Variants in TENM3 observed in about 807,000 individuals in gnomAD.
TENM3 encodes the protein teneurin-3.
A neutral mutation model predicts 255.1 loss-of-function variants in TENM3; 63 were observed. That is an observed-to-expected ratio of 0.25 (90% CI 0.20 to 0.30). The LOEUF is 0.30. Ranked by LOEUF, TENM3 falls within the 10% of genes least tolerant of loss-of-function variation. The pLI is 1.00. For synonymous variants in TENM3, 1,306 were observed against 1,322.3 expected, an observed-to-expected ratio of 0.99 and a Z score of 0.27; for missense variants, 2,929 against 3,461.1, an observed-to-expected ratio of 0.85 and a Z score of 3.86.
At position 182,309,866 on chromosome 4, in the gene TENM3, A is replaced by G. The variant is rs142734196; in HGVS notation, c.-75-14080A>G. Among the ~76,000 whole-genome samples, 599 of 152,340 alleles carry G rather than the reference A, an allele frequency of 3.9e-3. 5 individuals are homozygous for G. Among genetic ancestry groups the G allele is most frequent in the African/African-American group, 0.014 (565 of 41,574 alleles). ...CGGGCAATGTACTTGATGTCATTATAGTAGCTGCCCTTTATCAAGTACTCA... is the reference window on the plus strand; with the variant it reads ...CGGGCAATGTACTTGATGTCATTATGGTAGCTGCCCTTTATCAAGTACTCA... On this transcript the variant is annotated intron_variant, in intron 1 of 27. Coordinates refer to ENST00000511685, the MANE Select transcript of TENM3 (RefSeq NM_001080477.4).
At chr4:181,983,307 G>C in the TENM3 span, among the ~76,000 whole-genome samples, 1 of 152,114 alleles carries the variant, frequency 6.6e-6, no homozygotes, top group East Asian at 1.9e-4. Context: ...TGTGACCTAA[G>C]GGAAGGGATA....
intron 3 of TENM3, among the ~76,000 whole-genome samples, chr4:182,591,236 C>A (rs6851390): frequency 1.1e-4 from 17 of 151,766 alleles, no homozygotes; most frequent in African/African-American, 3.1e-4. Flanking sequence ...ACAGTAGAAT[C>A]TAAAAAAAGA....
chr4:181,628,144 A>C, the TENM3 span, among the ~76,000 whole-genome samples: 50 of 152,270 alleles, frequency 3.3e-4, no homozygotes, highest in African/African-American at 1.1e-3. Flanking sequence ...TCTTTTGAGA[A>C]GTGTCTGTTC....
At chr4:181,674,196 C>T in the TENM3 span, among the ~76,000 whole-genome samples, 1 of 152,084 alleles carries the variant, frequency 6.6e-6, no homozygotes, top group African/African-American at 2.4e-5. Context: ...CAGGGTTTCA[C>T]CATGTTGCCC....
intron 1 of TENM3, among the ~76,000 whole-genome samples, chr4:182,220,246 G>T (rs200665648): frequency 6.6e-6 from 1 of 151,852 alleles, no homozygotes; most frequent in African/African-American, 2.4e-5. Flanking sequence ...GCATGGTGGC[G>T]GGAGCCTGTA....
chr4:182,448,138 G>C (rs1210727017), intron 3 of TENM3, among the ~76,000 whole-genome samples: 1 of 152,154 alleles, frequency 6.6e-6, no homozygotes, highest in Non-Finnish European at 1.5e-5. Flanking sequence ...TTCTCTCCCC[G>C]GGTCGCGACA....
At chr4:182,299,027 A>G (rs1761685724) in intron 1 of TENM3, among the ~76,000 whole-genome samples, 1 of 117,376 alleles carries the variant, frequency 8.5e-6, no homozygotes, top group East Asian at 2.5e-4. Flanking sequence ...GAGGTAATGG[A>G]CTGGCCACTG....
chr4:181,839,370 T>C, the TENM3 span, among the ~76,000 whole-genome samples: 5 of 98,540 alleles, frequency 5.1e-5, no homozygotes, highest in African/African-American at 2.1e-4. Flanking sequence ...TATATATATA[T>C]ATATATATAT....
At chr4:182,453,391 T>C (rs1773624312) in intron 3 of TENM3, among the ~76,000 whole-genome samples, 1 of 152,126 alleles carries the variant, frequency 6.6e-6, no homozygotes, top group Non-Finnish European at 1.5e-5. Flanking sequence ...TAAATAATAG[T>C]TAAATTTGGG....
At chr4:182,405,768 A>T (rs529286823) in intron 3 of TENM3, among the ~76,000 whole-genome samples, 1 of 152,280 alleles carries the variant, frequency 6.6e-6, no homozygotes, top group South Asian at 2.1e-4. Context: ...ACTGATGAGT[A>T]TGTTAGGATT....
chr4:181,714,267 A>G, the TENM3 span, among the ~76,000 whole-genome samples: 1 of 151,864 alleles, frequency 6.6e-6, no homozygotes, highest in South Asian at 2.1e-4. Context: ...AGGACCTCAT[A>G]TGTACAAAGA....
the TENM3 span, among the ~76,000 whole-genome samples, chr4:182,014,188 GTA>G: frequency 1.2e-4 from 17 of 146,910 alleles, no homozygotes; most frequent in South Asian, 1.1e-3. Context: ...ATATGTGTGT[GTA>G]TATATATATA....
chr4:181,751,415 G>GAAAAAA, the TENM3 span, among the ~76,000 whole-genome samples: 6 of 114,716 alleles, frequency 5.2e-5, no homozygotes, highest in Non-Finnish European at 7.4e-5. Flanking sequence ...CCTTCCAAAG[G>GAAAAAA]AAAAAAAAAA....
intron 1 of TENM3, among the ~76,000 whole-genome samples, chr4:182,163,515 C>T (rs1751499491): frequency 6.6e-6 from 1 of 152,194 alleles, no homozygotes; most frequent in Admixed American, 6.5e-5. Context: ...TTGATTTGCT[C>T]AGTAGAATTA....
chr4:181,491,370 G>C, the TENM3 span, among the ~76,000 whole-genome samples: 1 of 151,842 alleles, frequency 6.6e-6, no homozygotes, highest in Non-Finnish European at 1.5e-5. Context: ...TTTTGAGAAA[G>C]TAAATGTGTA....
chr4:182,316,150 T>C (rs937452156), intron 1 of TENM3, among the ~76,000 whole-genome samples: 3 of 152,220 alleles, frequency 2.0e-5, no homozygotes, highest in African/African-American at 7.2e-5. Context: ...TTTATCTTGT[T>C]GAATGATGGA....
chr4:182,378,684 GGTTGCA>G (rs1447588996), intron 3 of TENM3, among the ~76,000 whole-genome samples: 1 of 152,164 alleles, frequency 6.6e-6, no homozygotes, highest in African/African-American at 2.4e-5. Flanking sequence ...CATGAAATAA[GGTTGCA>G]GAGGAAAGTC....
At chr4:182,366,723 T>C (rs1766453756) in intron 3 of TENM3, among the ~76,000 whole-genome samples, 1 of 152,072 alleles carries the variant, frequency 6.6e-6, no homozygotes, top group Non-Finnish European at 1.5e-5. Flanking sequence ...TAACTAAAAA[T>C]AAATATTTTC....
the TENM3 span, among the ~76,000 whole-genome samples, chr4:181,992,176 G>A: frequency 2.0e-5 from 3 of 151,976 alleles, no homozygotes; most frequent in Non-Finnish European, 4.4e-5. Context: ...GAAATAACAG[G>A]CTAGAATTTA....
Sources: gnomAD v4.1 joint callset for allele counts (sites outside exome capture counted in the v4.1 genomes callset) on GRCh38, gnomAD v4.1.1 for gene constraint, MANE v1.5 for transcripts, NCBI Gene and HGNC (gene_info 2026-07-23, HGNC 2026-07-21) for gene names.